The following CORO2B variants were observed in gnomAD, a reference collection of about 807,000 sequenced individuals.
CORO2B encodes coronin-2B.
CORO2B carries 26 observed loss-of-function variants against 58.8 expected under a neutral mutation model. The observed-to-expected ratio is 0.44, with a 90% confidence interval of 0.32 to 0.61. The LOEUF (loss-of-function observed/expected upper bound fraction) is 0.61. Among genes scored for constraint, CORO2B ranks in the 20% least tolerant of loss-of-function variants. The pLI, the probability that CORO2B is intolerant of heterozygous loss-of-function variation, is 0.04. For missense variants in CORO2B, 460 were observed against 645.1 expected (o/e 0.71, Z 3.11); for synonymous variants, 242 against 253.8 (o/e 0.95, Z 0.44).
At chr15:68,701,997 C>T (rs576084009) in intron 3 of CORO2B, among the ~76,000 whole-genome samples, 3 of 152,146 alleles carry the variant, frequency 2.0e-5, no homozygotes, top group African/African-American at 7.2e-5. Context: ...AATCCCAACA[C>T]TTTGGGAGGC....
intron 2 of CORO2B, among the ~76,000 whole-genome samples, chr15:68,668,368 G>A (rs780863196): frequency 1.3e-5 from 2 of 152,120 alleles, no homozygotes; most frequent in African/African-American, 4.8e-5. Flanking sequence ...GTGTGAGCCA[G>A]TCAGGAGACA....
chr15:68,547,077 G>A, the CORO2B span, among the ~76,000 whole-genome samples: 2 of 152,150 alleles, frequency 1.3e-5, no homozygotes, highest in Non-Finnish European at 2.9e-5. Flanking sequence ...TAAAAAGTGA[G>A]AGTAAGAAAG....
intron 2 of CORO2B, among the ~76,000 whole-genome samples, chr15:68,665,590 C>T (rs578154005): frequency 6.6e-6 from 1 of 151,620 alleles, no homozygotes; most frequent in African/African-American, 2.4e-5. Flanking sequence ...GTCTAAATAT[C>T]CATGATCATA....
At chr15:68,532,464 T>A in the CORO2B span, among the ~76,000 whole-genome samples, 1 of 152,194 alleles carries the variant, frequency 6.6e-6, no homozygotes, top group Non-Finnish European at 1.5e-5. Context: ...ATTGTATTTT[T>A]TTGTCTCTAG....
intron 2 of CORO2B, among the ~76,000 whole-genome samples, chr15:68,668,142 G>A (rs1902257649): frequency 6.6e-6 from 1 of 152,212 alleles, no homozygotes; most frequent in African/African-American, 2.4e-5. Flanking sequence ...GCTGGAACTG[G>A]AATAAAATAG....
the CORO2B span, among the ~76,000 whole-genome samples, chr15:68,564,229 A>G: frequency 6.6e-6 from 1 of 152,194 alleles, no homozygotes; most frequent in East Asian, 1.9e-4. Context: ...GAGCATTCCA[A>G]TTATGCAGTG....
chr15:68,715,174 C>T, intron 7 of CORO2B, 41 bp from the exon 8 acceptor site: 1 of 1,575,676 alleles, frequency 6.3e-7, no homozygotes, highest in Non-Finnish European at 8.7e-7. Context: ...TCTGCCCTCC[C>T]TACCTGCCAC....
At chr15:68,635,581 G>A (rs1174813201) in intron 1 of CORO2B, among the ~76,000 whole-genome samples, 3 of 152,150 alleles carry the variant, frequency 2.0e-5, no homozygotes, top group African/African-American at 7.2e-5. Context: ...CTCCTCTCTG[G>A]GTCTATGAAA....
At chr15:68,640,662 G>C (rs947334352) in intron 1 of CORO2B, among the ~76,000 whole-genome samples, 1 of 152,148 alleles carries the variant, frequency 6.6e-6, no homozygotes, top group Admixed American at 6.5e-5. Context: ...ATTTAAACAC[G>C]GGCTGGGCAT....
intron 3 of CORO2B, among the ~76,000 whole-genome samples, chr15:68,702,328 A>G (rs1892671734): frequency 6.6e-6 from 1 of 152,098 alleles, no homozygotes; most frequent in Non-Finnish European, 1.5e-5. Flanking sequence ...TTATTCTTTC[A>G]TGCATCCAGC....
intron 1 of CORO2B, among the ~76,000 whole-genome samples, chr15:68,597,110 G>T (rs565958796): frequency 6.6e-5 from 10 of 151,952 alleles, no homozygotes; most frequent in African/African-American, 2.2e-4. Context: ...GGAATTGGTG[G>T]CCTGCTCATT....
At chr15:68,602,464 G>GT (rs1441584812) in intron 1 of CORO2B, among the ~76,000 whole-genome samples, 1 of 148,866 alleles carries the variant, frequency 6.7e-6, no homozygotes, top group African/African-American at 2.5e-5. Context: ...TTACCTACAT[G>GT]TTGTAATTCA....
At chr15:68,692,842 T>C (rs11636646) in intron 2 of CORO2B, among the ~76,000 whole-genome samples, 95,715 of 151,358 alleles carry the variant, frequency 0.63, 32,317 homozygotes, top group East Asian at 0.94. Flanking sequence ...CCATGTTGTC[T>C]AGACTGGTCT....
At chr15:68,680,895 T>C (rs957183206) in intron 2 of CORO2B, among the ~76,000 whole-genome samples, 15 of 152,132 alleles carry the variant, frequency 9.9e-5, no homozygotes, top group Non-Finnish European at 1.2e-4. Flanking sequence ...TCACAAATGC[T>C]GTGGGAAGAA....
chr15:68,607,463 A>G (rs2140243374), intron 1 of CORO2B, among the ~76,000 whole-genome samples: 1 of 152,304 alleles, frequency 6.6e-6, no homozygotes, highest in East Asian at 1.9e-4. Flanking sequence ...ACATAGGGTC[A>G]CTTCCACACC....
the CORO2B span, among the ~76,000 whole-genome samples, chr15:68,569,247 C>T: frequency 6.6e-6 from 1 of 152,318 alleles, no homozygotes; most frequent in Admixed American, 6.5e-5. Flanking sequence ...CACAGTATCA[C>T]ACAGAGTAGT....
At chr15:68,631,690 G>C (rs914014071) in intron 1 of CORO2B, among the ~76,000 whole-genome samples, 1 of 152,202 alleles carries the variant, frequency 6.6e-6, no homozygotes, top group African/African-American at 2.4e-5. Context: ...TACACACCAG[G>C]TGCCAGGGGG....
the CORO2B span, among the ~76,000 whole-genome samples, chr15:68,542,892 C>T: frequency 1.3e-5 from 2 of 152,214 alleles, no homozygotes; most frequent in Non-Finnish European, 2.9e-5. Context: ...GTGTGCTTCC[C>T]TTTGTTATCT....
rs140318149 is a variant in CORO2B, at chr15:68,720,653, C to T, written c.1311+1101C>T. ...CAGAGCTTCCCTCAGGTCCCTGCCA[C>T]GTGGACTCCTCCATAAGGCAGCTCA... On this transcript the variant is annotated intron_variant, in intron 11 of 11. Coordinates refer to ENST00000261861, the MANE Select transcript of CORO2B (RefSeq NM_006091.5). Among the ~76,000 whole-genome samples the T allele has an allele frequency of 1.5e-3, 233 of 152,282 alleles. 1 individual carries two copies. The highest frequency in any genetic ancestry group is 2.9e-3 in the Non-Finnish European group (200 of 68,024).
Sources: gnomAD v4.1 joint callset for allele counts (sites outside exome capture counted in the v4.1 genomes callset) on GRCh38, gnomAD v4.1.1 for gene constraint, MANE v1.5 for transcripts, NCBI Gene and HGNC (gene_info 2026-07-23, HGNC 2026-07-21) for gene names.